LRRD1: variants seen among roughly 807,000 people sequenced by gnomAD.
LRRD1 encodes leucine rich repeats and death domain containing 1.
LRRD1 carries 49 observed loss-of-function variants against 69.5 expected under a neutral mutation model. The observed-to-expected ratio is 0.70, with a 90% CI of 0.56 to 0.89. The LOEUF (loss-of-function observed/expected upper bound fraction) is 0.89, where lower values mean the gene tolerates loss of function less well. Ranked by LOEUF, LRRD1 falls within the 40% of genes least tolerant of loss-of-function variation. The probability of loss-of-function intolerance (pLI) is 0.00; values close to 1 mark genes in which losing one functional copy is unlikely to be tolerated. For missense variants in LRRD1, 853 were observed against 956.0 expected, an observed-to-expected ratio of 0.89 and a Z score of 1.42; for synonymous variants, 303 against 338.9, an observed-to-expected ratio of 0.89 and a Z score of 1.16.
intron 3 of LRRD1, among the ~76,000 whole-genome samples, chr7:92,153,077 T>C (rs1187544931): frequency 6.6e-6 from 1 of 152,182 alleles, no homozygotes; most frequent in African/African-American, 2.4e-5. Flanking sequence ...CTTTCTTTTT[T>C]ATTTTGAGAC....
chr7:92,167,876 C>CAAAAAAAAAAAAAAAAAAAAAAAAAAA (rs542619786), intron 1 of LRRD1, among the ~76,000 whole-genome samples: 2 of 46,186 alleles, frequency 4.3e-5, no homozygotes, highest in African/African-American at 1.9e-4. Context: ...GACTCTGTCT[C>CAAAAAAAAAAAAAAAAAAAAAAAAAAA]AAAAAAAAAA....
intron 4 of LRRD1, among the ~76,000 whole-genome samples, chr7:92,146,628 A>G (rs1584648635): frequency 7.3e-6 from 1 of 136,428 alleles, no homozygotes; most frequent in South Asian, 2.3e-4. Context: ...AAAAAAAAAA[A>G]TGACAATGAC....
rs1444539279 is a variant in LRRD1 at position 92,163,486 on chromosome 7, T to C, written c.1717A>G (p.Arg573Gly). 6.5e-7 allele frequency: 1 copy of C among 1,529,238 alleles called. No homozygotes were observed. Among genetic ancestry groups the C allele is most frequent in the Admixed American group, 2.2e-5 (1 of 44,662 alleles). The allele number at this position is 1,529,238 out of a possible 1,614,324, so 94.7% of individuals were successfully genotyped here. The part of the protein sequence containing the change: ...LCCNKFETFP[R>G]ELCTLENLQV... ...AAATTTTCTAAAGTACACAATTCTCTAGGGAAAGTTTCAAATTTATTACAG... is the reference window on the plus strand; with the variant it reads ...AAATTTTCTAAAGTACACAATTCTCCAGGGAAAGTTTCAAATTTATTACAG... Residue 573 changes from arginine (R) to glycine (G), a missense_variant, in exon 2 of 6, where the codon AGA (arginine) becomes GGA (glycine). Transcript: ENST00000458448.
At chr7:92,145,652 G>A (rs1443749489) in intron 5 of LRRD1, among the ~76,000 whole-genome samples, 1 of 151,874 alleles carries the variant, frequency 6.6e-6, no homozygotes, top group Non-Finnish European at 1.5e-5. Context: ...TGTTAGCCAG[G>A]CTGGTCTCAA....
At chr7:92,146,730 G>C (rs2130979990) in intron 4 of LRRD1, among the ~76,000 whole-genome samples, 1 of 151,636 alleles carries the variant, frequency 6.6e-6, no homozygotes, top group South Asian at 2.1e-4. Context: ...AGATCAGCCT[G>C]ACCAACATGA....
chr7:92,156,487 G>C (rs1223465457), intron 3 of LRRD1, among the ~76,000 whole-genome samples: 1 of 152,082 alleles, frequency 6.6e-6, no homozygotes, highest in Non-Finnish European at 1.5e-5. Context: ...TTTTATCTAT[G>C]TTACAGTTTT....
At chr7:92,160,775 T>C (rs1220835460) in intron 2 of LRRD1, among the ~76,000 whole-genome samples, 1 of 152,142 alleles carries the variant, frequency 6.6e-6, no homozygotes, top group Non-Finnish European at 1.5e-5. Flanking sequence ...ATCGCACCAC[T>C]GTCCTCCAGC....
chr7:92,162,792 T>C (rs986459482), intron 2 of LRRD1, among the ~76,000 whole-genome samples: 1 of 152,212 alleles, frequency 6.6e-6, no homozygotes, highest in African/African-American at 2.4e-5. Context: ...GAAATGCTTA[T>C]TGGTTAAAAA....
chr7:92,148,527 G>T (rs891608074), intron 4 of LRRD1, among the ~76,000 whole-genome samples: 6 of 151,886 alleles, frequency 4.0e-5, no homozygotes, highest in Non-Finnish European at 8.8e-5. Flanking sequence ...TTAAGAAAAA[G>T]GCTCCATTTG....
At chr7:92,147,473 G>GTGTTT (rs66668611) in intron 4 of LRRD1, among the ~76,000 whole-genome samples, 5,972 of 149,884 alleles carry the variant, frequency 0.04, 140 homozygotes, top group Middle Eastern at 0.052. Context: ...GTGCGTGGGT[G>GTGTTT]TGTTTTGTTT....
chr7:92,164,156 G>T lies in LRRD1; in HGVS notation c.1047C>A (p.Leu349=). The T allele has an allele frequency of 1.9e-6, 3 of 1,547,602 alleles. No homozygotes were observed. In the South Asian group the frequency reaches 3.6e-5, roughly 19 times the overall value. The change falls in exon 2 of 6, where the codon CTC becomes CTA. Residue 349 remains leucine (L), a synonymous_variant. Transcript: ENST00000458448. ...TFLAVEIFQL[L]KIKELQLADN... is the part of the protein sequence containing the mutation. ...CGGCCAGTTGGAGTTCTTTTATTTT[G>T]AGTAACTGAAAAATTTCTACAGCCA... is the stretch of plus-strand genomic sequence containing the variant.
chr7:92,157,209 T>C (rs1312280876), intron 3 of LRRD1, among the ~76,000 whole-genome samples: 2 of 152,032 alleles, frequency 1.3e-5, no homozygotes, highest in Non-Finnish European at 2.9e-5. Flanking sequence ...TTGCTTTTTA[T>C]ACTTACAGTG....
intron 1 of LRRD1, among the ~76,000 whole-genome samples, chr7:92,168,787 T>C (rs1788984574): frequency 6.6e-6 from 1 of 152,156 alleles, no homozygotes; most frequent in African/African-American, 2.4e-5. Flanking sequence ...AATGTACATA[T>C]GTACATCCAT....
intron 2 of LRRD1, among the ~76,000 whole-genome samples, chr7:92,162,275 C>T (rs1161419537): frequency 3.3e-5 from 5 of 152,154 alleles, no homozygotes; most frequent in African/African-American, 4.8e-5. Context: ...CAAGACTCTT[C>T]AAAGCTTTTA....
At chr7:92,147,380 A>T (rs924613919) in intron 4 of LRRD1, among the ~76,000 whole-genome samples, 25 of 152,176 alleles carry the variant, frequency 1.6e-4, no homozygotes, top group African/African-American at 6.0e-4. Context: ...TTTATAAGCA[A>T]CTTTAAAGTG....
At chr7:92,142,932 G>A (rs542956466), downstream of LRRD1, 1 of 300,712 alleles carries the variant, frequency 3.3e-6, no homozygotes, top group Admixed American at 4.5e-5. Context: ...TCCGCAGTGT[G>A]GAAGGGGACC....
At chr7:92,145,439 C>CT (rs745661467) in intron 5 of LRRD1, among the ~76,000 whole-genome samples, 1,486 of 129,408 alleles carry the variant, frequency 0.011, 24 homozygotes, top group Middle Eastern at 0.024. Context: ...ATACTATATG[C>CT]TTTTTTTTTT....
chr7:92,163,259 AC>A (rs2131006505), intron 2 of LRRD1, 26 bp downstream of exon 2: 4 of 1,355,094 alleles, frequency 3.0e-6, no homozygotes, highest in Non-Finnish European at 2.9e-6. Flanking sequence ...CTCCTTCCCC[AC>A]AAAGCCCACA....
chr7:92,157,013 T>C (rs895927356), intron 3 of LRRD1, among the ~76,000 whole-genome samples: 3 of 151,036 alleles, frequency 2.0e-5, no homozygotes, highest in Non-Finnish European at 2.9e-5. Context: ...AATTGTATTT[T>C]TTCATATGAT....
Sources: gnomAD v4.1 joint callset for allele counts (sites outside exome capture counted in the v4.1 genomes callset) on GRCh38, gnomAD v4.1.1 for gene constraint, MANE v1.5 for transcripts, NCBI Gene and HGNC (gene_info 2026-07-23, HGNC 2026-07-21) for gene names.